The following EPHB4 variants were observed in gnomAD, a reference collection of about 807,000 sequenced individuals.
EPHB4 encodes the protein ephrin type-B receptor 4.
A neutral mutation model predicts 110.6 loss-of-function variants in EPHB4; 50 were observed. That is an observed-to-expected ratio of 0.45 (90% CI 0.36 to 0.57). The LOEUF (loss-of-function observed/expected upper bound fraction) is 0.57. Among genes scored for constraint, EPHB4 ranks in the 20% least tolerant of loss-of-function variants. The pLI is 0.00. For missense variants in EPHB4, 1,128 were observed against 1,382.1 expected (o/e 0.82, Z 2.91); for synonymous variants, 592 against 578.4 (o/e 1.02, Z -0.34).
rs542014657 is a variant in EPHB4 at position 100,819,171 on chromosome 7, G to A, written c.1297+386C>T. Among the ~76,000 whole-genome samples, 14 of 152,212 alleles carry A rather than the reference G, an allele frequency of 9.2e-5. No homozygotes were observed. The South Asian group carries it at 2.1e-3, about 23-fold the overall frequency. On this transcript the variant is annotated intron_variant, in intron 6 of 16. Coordinates refer to ENST00000358173, the MANE Select transcript of EPHB4 (RefSeq NM_004444.5). ...TCTGTCACCCAGGCTGGCATGCAGC[G>A]GTGCGATCATAGCTCACTGCAGCCT...
Position 100,819,665 on chromosome 7 carries a change from G to A in EPHB4, c.1189C>T (p.Arg397Cys), listed in dbSNP as rs755632623. 6.8e-6 allele frequency: 11 copies of A among 1,613,714 alleles called. 1 individual carries two copies. Among genetic ancestry groups the A allele is most frequent in the South Asian group, 4.4e-5 (4 of 91,066 alleles). Residue 397 changes from arginine to cysteine, a missense_variant, in exon 6 of 17, where the codon CGT (arginine) becomes TGT (cysteine). By Grantham distance (180) the Arg-to-Cys change is radical. Coordinates refer to ENST00000358173, the MANE Select transcript of EPHB4 (RefSeq NM_004444.5). Reference sequence around the variant, plus strand: ...TCAAAGGTATAGGTGAAGTCAGGACGTAGCCCTCGAACCACCACCCAGGGC... The same window carrying A: ...TCAAAGGTATAGGTGAAGTCAGGACATAGCCCTCGAACCACCACCCAGGGC... ...VEPWVVVRGLRPDFTYTFEVT... is the reference protein window; with the variant it reads ...VEPWVVVRGLCPDFTYTFEVT...
rs557130119 is a variant in EPHB4, at chr7:100,804,865, G to A, written c.2834+301C>T. ...TTGACACATTGTTACCGTGAGAGCCGGGCCTGGAATGCAGATAGATGCACA... is the reference window on the plus strand; with the variant it reads ...TTGACACATTGTTACCGTGAGAGCCAGGCCTGGAATGCAGATAGATGCACA... On this transcript the variant is annotated intron_variant, in intron 16 of 16. Coordinates refer to ENST00000358173, the MANE Select transcript of EPHB4 (RefSeq NM_004444.5). 5.9e-4 allele frequency among the ~76,000 whole-genome samples: 90 copies of A among 152,288 alleles called. No individual in the cohort carries two copies. In the South Asian group the frequency reaches 8.7e-3, roughly 15 times the overall value.
chr7:100,811,004 C>T (rs191942554), intron 12 of EPHB4, among the ~76,000 whole-genome samples: 21 of 152,184 alleles, frequency 1.4e-4, no homozygotes, highest in Non-Finnish European at 2.8e-4. Context: ...AATCCCAGCA[C>T]TTTGAGGGGC....
rs1813430966 is a variant in EPHB4, at chr7:100,827,186, C to T, written c.-156G>A. ...CCATGCGAGCGTGCGGGGCACCGGG[C>T]GGCGGCGCCAAGTGTGGCCCCGCGT... On this transcript the variant is annotated 5_prime_UTR_variant, in exon 1 of 17. Transcript: ENST00000358173. The T allele has an allele frequency of 3.1e-6, 2 of 648,918 alleles. No individual in the cohort carries two copies. Among genetic ancestry groups the T allele is most frequent in the Admixed American group, 4.5e-5 (1 of 22,344 alleles). The allele number at this position is 648,918 out of a possible 1,614,324, so 40.2% of individuals were successfully genotyped here. A position where few individuals can be genotyped will look rare whatever the true frequency, so the allele number is the denominator to read the frequency against.
intron 12 of EPHB4, among the ~76,000 whole-genome samples, chr7:100,811,527 TG>T (rs1812933328): frequency 6.6e-6 from 1 of 152,050 alleles, no homozygotes; most frequent in South Asian, 2.1e-4. Context: ...TCCTGGGGAC[TG>T]GGAGGATGAC....
intron 1 of EPHB4, among the ~76,000 whole-genome samples, chr7:100,826,106 G>C (rs1425759577): frequency 1.3e-5 from 2 of 152,200 alleles, no homozygotes; most frequent in African/African-American, 4.8e-5. Flanking sequence ...GGGGGGTGTT[G>C]GCAGCTCACT....
intron 16 of EPHB4, among the ~76,000 whole-genome samples, chr7:100,804,308 C>CTTT (rs11338293): frequency 1.5e-3 from 107 of 71,608 alleles, no homozygotes; most frequent in East Asian, 2.0e-3. Flanking sequence ...CTTCACATTT[C>CTTT]TTTTTTTTTT....
chr7:100,803,736 G>C (rs764817937), intron 16 of EPHB4, 146 bp from the exon 17 acceptor site: 10 of 1,135,024 alleles, frequency 8.8e-6, no homozygotes, highest in East Asian at 2.9e-5. Context: ...AACAGTTCCC[G>C]GGCAGTTTTT....
rs140332222 is a variant in EPHB4, at chr7:100,805,502, C to T, written c.2677G>A (p.Gly893Arg). ...SLKIVARENG[G>R]ASHPLLDQRQ... ...GGGCCCATTCTCTGCAGTCCTCACC[C>T]GCCATTCTCCCGGGCCACGATTTTG... is the stretch of plus-strand genomic sequence containing the variant. Residue 893 changes from glycine (G) to arginine (R), a missense_variant and splice_region_variant, in exon 15 of 17, where the codon GGG (glycine) becomes AGG (arginine). Physicochemically the swap from Gly to Arg is moderately radical, Grantham distance 125 (BLOSUM62 -2). Transcript: ENST00000358173. The T allele has an allele frequency of 9.0e-5, 137 of 1,522,118 alleles. No homozygotes were observed. In the African/African-American group the frequency reaches 1.1e-3, roughly 12 times the overall value. 94.3% of individuals were successfully genotyped at this position (1,522,118 alleles called of 1,614,324 possible). A position where few individuals can be genotyped will look rare whatever the true frequency, so the allele number is the denominator to read the frequency against.
chr7:100,820,038 G>A (rs1813180850), intron 5 of EPHB4, 103 bp downstream of exon 5: 2 of 1,528,174 alleles, frequency 1.3e-6, no homozygotes, highest in Admixed American at 4.0e-5. Context: ...GCATGCCAGG[G>A]ACAAAGGGAA....
chr7:100,809,525 T>C (rs533330249), intron 12 of EPHB4, among the ~76,000 whole-genome samples: 2 of 150,828 alleles, frequency 1.3e-5, no homozygotes, highest in African/African-American at 2.5e-5. Context: ...GGTCTTCCCA[T>C]CTCTCTCTCT....
At position 100,816,738 on chromosome 7, in the gene EPHB4, C is replaced by T. The variant is rs534490995; in HGVS notation, c.1588+454G>A. On this transcript the variant is annotated intron_variant, in intron 8 of 16. Coordinates refer to ENST00000358173, the MANE Select transcript of EPHB4 (RefSeq NM_004444.5). Reference sequence around the variant, plus strand: ...TGTTGGTTTTGGTTTCGACATCTTACGTTCTCTCCTCTCTAGGGCATGCCA... The same window carrying T: ...TGTTGGTTTTGGTTTCGACATCTTATGTTCTCTCCTCTCTAGGGCATGCCA... Among the ~76,000 whole-genome samples, 24 of 152,114 alleles carry T rather than the reference C, an allele frequency of 1.6e-4. No individual in the cohort carries two copies. In the South Asian group the frequency reaches 5.0e-3, roughly 32 times the overall value.
intron 8 of EPHB4, 52 bp downstream of exon 8, chr7:100,817,140 G>A (rs1313950157): frequency 1.8e-5 from 25 of 1,418,690 alleles, no homozygotes; most frequent in Non-Finnish European, 2.3e-5. Context: ...GTCTTCCCAG[G>A]AACTTTGGGG....
chr7:100,822,259 T>C lies in EPHB4; in HGVS notation c.808+12A>G. Reference sequence around the variant, plus strand: ...GATGAGCAGCAGTCGCAGGGGAAGCTCCAGCTCTCACCTCGGCACTTGGTG... The same window carrying C: ...GATGAGCAGCAGTCGCAGGGGAAGCCCCAGCTCTCACCTCGGCACTTGGTG... On this transcript the variant is annotated intron_variant, in intron 4 of 16. Transcript: ENST00000358173. The surrounding 1 kb of genome is among the most constrained non-coding windows in gnomAD (Gnocchi z 4.7). 6.4e-7 allele frequency: 1 copy of C among 1,553,674 alleles called. No individual in the cohort carries two copies. Among genetic ancestry groups the C allele is most frequent in the Non-Finnish European group, 8.7e-7 (1 of 1,148,772 alleles).
In EPHB4 at chr7:100,819,909, C is replaced by A; in HGVS notation, c.965-20G>T. Reference sequence around the variant, plus strand: ...GAGGGGCTGCAGGAGACCAGGGAGTCAGGCAGAGGCCGACCTGCTCTGCGG... The same window carrying A: ...GAGGGGCTGCAGGAGACCAGGGAGTAAGGCAGAGGCCGACCTGCTCTGCGG... On this transcript the variant is annotated intron_variant, in intron 5 of 16. Coordinates refer to ENST00000358173, the MANE Select transcript of EPHB4 (RefSeq NM_004444.5). The A allele has an allele frequency of 6.5e-7, 1 of 1,534,052 alleles. No homozygotes were observed. The highest frequency in any genetic ancestry group is 8.8e-7 in the Non-Finnish European group (1 of 1,136,352).
chr7:100,807,171 C>A (rs1363246165), intron 13 of EPHB4, among the ~76,000 whole-genome samples, 194 bp downstream of exon 13: 1 of 152,108 alleles, frequency 6.6e-6, no homozygotes, highest in African/African-American at 2.4e-5. Flanking sequence ...GCTATGTTGC[C>A]CAGGTTATCC....
intron 13 of EPHB4, 146 bp from the exon 14 acceptor site, chr7:100,806,715 A>G (rs2116417377): frequency 5.0e-6 from 5 of 990,950 alleles, no homozygotes; most frequent in Middle Eastern, 3.2e-4. Flanking sequence ...CTGTTTGCCC[A>G]GGTTGGAGTG....
intron 16 of EPHB4, 47 bp downstream of exon 16, chr7:100,805,119 A>AG: frequency 6.3e-7 from 1 of 1,587,522 alleles, no homozygotes; most frequent in Non-Finnish European, 8.6e-7. Context: ...GCCTGACTCC[A>AG]GCTGCCCCGC....
chr7:100,811,197 A>G (rs1207711121), intron 12 of EPHB4, among the ~76,000 whole-genome samples: 2 of 151,888 alleles, frequency 1.3e-5, no homozygotes, highest in Admixed American at 6.6e-5. Flanking sequence ...CGTTGCGGTG[A>G]GCCAAGAACG....
Sources: allele counts gnomAD v4.1 joint callset (sites outside exome capture counted in the v4.1 genomes callset), GRCh38; gene constraint gnomAD v4.1.1; non-coding constraint Gnocchi (gnomAD v3.1); transcripts MANE v1.5; gene names NCBI Gene and HGNC (gene_info 2026-07-23, HGNC 2026-07-21).